Variants in RGS9 observed in about 807,000 individuals in gnomAD.
RGS9 encodes the protein regulator of G-protein signalling 9.
RGS9 carries 78 observed loss-of-function variants against 102.0 expected under a neutral mutation model. That is an observed-to-expected ratio of 0.76 (90% CI 0.64 to 0.92). RGS9 has a LOEUF of 0.92. RGS9 is among the 40% of genes least tolerant of loss of function. The pLI, the probability that RGS9 is intolerant of heterozygous loss-of-function variation, is 0.00. For missense variants in RGS9, 833 were observed against 866.1 expected, an observed-to-expected ratio of 0.96 and a Z score of 0.48; for synonymous variants, 353 against 318.6, an observed-to-expected ratio of 1.11 and a Z score of -1.15.
In RGS9 at chr17:65,227,575, G is replaced by T. The variant is rs1905756902; in HGVS notation, c.*168G>T. ...ATTGTGGCAAAGAATGCTCTGGCTG[G>T]TTACCAGGGGCCAACTCCTTCTCCT... On this transcript the variant is annotated 3_prime_UTR_variant, in exon 19 of 19. Transcript: ENST00000262406. 1.1e-6 allele frequency: 1 copy of T among 929,682 alleles called. No homozygotes were observed. Among genetic ancestry groups the T allele is most frequent in the Non-Finnish European group, 1.6e-6 (1 of 609,816 alleles). 57.6% of individuals were successfully genotyped at this position (929,682 alleles called of 1,614,324 possible). A position where few individuals can be genotyped will look rare whatever the true frequency, so the allele number is the denominator to read the frequency against.
chr17:65,210,110 A>C (rs75103343), intron 16 of RGS9, among the ~76,000 whole-genome samples: 10,107 of 152,216 alleles, frequency 0.066, 441 homozygotes, highest in Middle Eastern at 0.13. Context: ...CCAAAAAAGA[A>C]AAGAAAATAA....
At position 65,210,520 on chromosome 17, in the gene RGS9, G is replaced by A. The variant is rs371105218; in HGVS notation, c.1322G>A (p.Arg441His). 3.3e-5 allele frequency: 54 copies of A among 1,613,716 alleles called. No individual in the cohort carries two copies. The highest frequency in any genetic ancestry group is 9.3e-5 in the African/African-American group (7 of 74,974). The change falls in exon 17 of 19, where the codon CGC (arginine) becomes CAC (histidine). Residue 441 changes from arginine to histidine, a missense_variant. Arg to His is a conservative substitution (Grantham distance 29, BLOSUM62 0). Coordinates refer to ENST00000262406, the MANE Select transcript of RGS9 (RefSeq NM_003835.4). ...STLPFMRRHL[R>H]SSPSPVILRQ... ...CTCCCTTTTATGCGGCGTCACCTGCGCTCCAGCCCAAGCCCTGTCATCCTG... is the reference window on the plus strand; with the variant it reads ...CTCCCTTTTATGCGGCGTCACCTGCACTCCAGCCCAAGCCCTGTCATCCTG...
At chr17:65,186,071 G>A (rs946613684) in intron 9 of RGS9, among the ~76,000 whole-genome samples, 1 of 128,548 alleles carries the variant, frequency 7.8e-6, no homozygotes, top group Non-Finnish European at 1.5e-5. Context: ...AGCCCAGCAC[G>A]ATTCTGCACC....
intron 8 of RGS9, among the ~76,000 whole-genome samples, chr17:65,169,827 C>G (rs1278709119): frequency 6.6e-6 from 1 of 151,972 alleles, no homozygotes; most frequent in African/African-American, 2.4e-5. Flanking sequence ...ACTGCCTCCC[C>G]CCCAGCCCAT....
chr17:65,189,896 T>C (rs549061363), intron 10 of RGS9, among the ~76,000 whole-genome samples: 2 of 152,356 alleles, frequency 1.3e-5, no homozygotes, highest in South Asian at 4.1e-4. Context: ...AGCCAAGCGT[T>C]TGTCCCCGTG....
intron 17 of RGS9, among the ~76,000 whole-genome samples, chr17:65,210,911 G>A (rs1292304578): frequency 2.0e-5 from 3 of 152,110 alleles, no homozygotes; most frequent in African/African-American, 7.2e-5. Context: ...CTCAATTGCT[G>A]TGTGGCTGCC....
At chr17:65,222,073 A>G in intron 17 of RGS9, among the ~76,000 whole-genome samples, 1 of 152,256 alleles carries the variant, frequency 6.6e-6, no homozygotes, top group East Asian at 1.9e-4. Flanking sequence ...ATCTGCTTCC[A>G]AGCTCATTTG....
intron 9 of RGS9, among the ~76,000 whole-genome samples, chr17:65,179,183 G>A (rs1217984307): frequency 1.3e-5 from 2 of 152,176 alleles, no homozygotes; most frequent in Non-Finnish European, 2.9e-5. Flanking sequence ...GGAAGGAGGA[G>A]GGTGGAAGTG....
intron 14 of RGS9, among the ~76,000 whole-genome samples, chr17:65,202,462 AGAGAGT>A (rs1203579506): frequency 3.0e-3 from 423 of 141,924 alleles, no homozygotes; most frequent in African/African-American, 8.8e-3. Context: ...AGAGAGAGAG[AGAGAGT>A]GAGAGAGAGA....
intron 8 of RGS9, among the ~76,000 whole-genome samples, chr17:65,169,408 G>C (rs1010221907): frequency 6.6e-6 from 1 of 152,164 alleles, no homozygotes; most frequent in East Asian, 1.9e-4. Flanking sequence ...AGAGCACAGG[G>C]TCCCAGAGAT....
At chr17:65,193,753 G>T in intron 12 of RGS9, 97 bp downstream of exon 12, 1 of 754,418 alleles carries the variant, frequency 1.3e-6, no homozygotes, top group Non-Finnish European at 2.4e-6. Flanking sequence ...CAGTTCAATG[G>T]TTTTTATTAT....
chr17:65,201,992 G>A lies in RGS9; in HGVS notation c.977-1G>A. 1 of 1,609,788 alleles carries A rather than the reference G, an allele frequency of 6.2e-7. No homozygotes were observed. ...ATCCACGTGGACTTCTCACCATGCA[G>A]GAGAGAATCTGGGATTCTGGGAAGC... is the stretch of plus-strand genomic sequence containing the variant. On this transcript the variant is annotated splice_acceptor_variant, in intron 13 of 18. Coordinates refer to ENST00000262406, the MANE Select transcript of RGS9 (RefSeq NM_003835.4). LOFTEE classifies it high-confidence loss of function.
At chr17:65,141,175 G>A (rs146736163) in intron 1 of RGS9, among the ~76,000 whole-genome samples, 51 of 152,350 alleles carry the variant, frequency 3.3e-4, no homozygotes, top group African/African-American at 1.1e-3. Flanking sequence ...TTCAGATGTG[G>A]TAGAAAGAGG....
intron 9 of RGS9, 119 bp downstream of exon 9, chr17:65,177,922 G>A: frequency 1.2e-6 from 1 of 834,040 alleles, no homozygotes; most frequent in Non-Finnish European, 2.1e-6. Context: ...GACTATCAAA[G>A]AGAGGAGGAC....
chr17:65,177,445 T>G (rs1009891349), intron 8 of RGS9, among the ~76,000 whole-genome samples: 3 of 151,886 alleles, frequency 2.0e-5, no homozygotes, highest in Admixed American at 1.3e-4. Context: ...GCCAACCACC[T>G]GTCCATTTTT....
Position 65,169,773 on chromosome 17 carries a change from G to T in RGS9, c.582+1492G>T, listed in dbSNP as rs531613277. Among the ~76,000 whole-genome samples, 5 of 152,206 alleles carry T rather than the reference G, an allele frequency of 3.3e-5. No homozygotes were observed. In the East Asian group the frequency reaches 9.7e-4, roughly 29 times the overall value. On this transcript the variant is annotated intron_variant, in intron 8 of 18. Transcript: ENST00000262406. ...CTAGTGGCTGAGTGGCTCTTCACAG[G>T]ATGATGCTGAATCACATAAATATGA...
At chr17:65,200,555 C>G (rs1912792604) in intron 13 of RGS9, among the ~76,000 whole-genome samples, 1 of 152,214 alleles carries the variant, frequency 6.6e-6, no homozygotes, top group Non-Finnish European at 1.5e-5. Context: ...GAGAGCATCA[C>G]TGGTCTGTGA....
In RGS9 at chr17:65,142,031, C is replaced by T. The variant is rs998579713; in HGVS notation, c.57+4434C>T. On this transcript the variant is annotated intron_variant, in intron 1 of 18. Coordinates refer to ENST00000262406, the MANE Select transcript of RGS9 (RefSeq NM_003835.4). ...CAGTACTTTGGGAGGCTGAGGTGGA[C>T]GGATCACTAGGTCAGGAGTTCAAGA... 6.6e-5 allele frequency among the ~76,000 whole-genome samples: 10 copies of T among 152,110 alleles called. No homozygotes were observed. The East Asian group carries it at 7.7e-4, about 12-fold the overall frequency.
chr17:65,151,609 G>C (rs1183838800), intron 1 of RGS9, among the ~76,000 whole-genome samples: 1 of 152,136 alleles, frequency 6.6e-6, no homozygotes, highest in Non-Finnish European at 1.5e-5. Flanking sequence ...TCACCTCCCA[G>C]ACATTGTGGG....
Sources: gnomAD v4.1 joint callset for allele counts (sites outside exome capture counted in the v4.1 genomes callset) on GRCh38, gnomAD v4.1.1 for gene constraint, MANE v1.5 for transcripts, NCBI Gene and HGNC (gene_info 2026-07-23, HGNC 2026-07-21) for gene names.